Variants in SEPTIN9 observed in about 807,000 individuals in gnomAD.
SEPTIN9 encodes the protein septin-9.
SEPTIN9 carries 13 observed loss-of-function variants against 56.6 expected under a neutral mutation model. That is an observed-to-expected ratio of 0.23 (90% CI 0.15 to 0.37). SEPTIN9 has a LOEUF of 0.37. Among genes scored for constraint, SEPTIN9 ranks in the 10% least tolerant of loss-of-function variants. The pLI, the probability that SEPTIN9 is intolerant of heterozygous loss-of-function variation, is 1.00. For missense variants in SEPTIN9, 650 were observed against 823.1 expected (o/e 0.79, Z 2.57); for synonymous variants, 332 against 334.1 (o/e 0.99, Z 0.07).
At chr17:77,293,965 A>G (rs2031684529) in intron 1 of SEPTIN9, among the ~76,000 whole-genome samples, 1 of 152,044 alleles carries the variant, frequency 6.6e-6, no homozygotes, top group Non-Finnish European at 1.5e-5. Flanking sequence ...CTAGCAGGGC[A>G]TGGTGGCATA....
chr17:77,360,648 T>C (rs1246110160), intron 2 of SEPTIN9, among the ~76,000 whole-genome samples: 2 of 151,902 alleles, frequency 1.3e-5, no homozygotes, highest in African/African-American at 2.4e-5. Context: ...CACTGCAAGC[T>C]CCGCCTCCCT....
chr17:77,340,172 CCTCT>C (rs1469361501), intron 2 of SEPTIN9, among the ~76,000 whole-genome samples: 1 of 150,792 alleles, frequency 6.6e-6, no homozygotes, highest in Non-Finnish European at 1.5e-5. Flanking sequence ...ACAGAGTCTC[CCTCT>C]GTTGCCCAGG....
At chr17:77,414,278 A>C (rs750623815) in intron 3 of SEPTIN9, among the ~76,000 whole-genome samples, 1 of 151,728 alleles carries the variant, frequency 6.6e-6, no homozygotes, top group African/African-American at 2.4e-5. Context: ...GGGTTTCTCC[A>C]TGTTGAGGCT....
intron 2 of SEPTIN9, among the ~76,000 whole-genome samples, chr17:77,401,446 C>T (rs776258141): frequency 2.0e-5 from 3 of 152,120 alleles, no homozygotes; most frequent in Admixed American, 6.5e-5. Flanking sequence ...AAAACAGCCG[C>T]GACAAGAAGG....
At chr17:77,461,185 A>G (rs1259822698) in intron 3 of SEPTIN9, among the ~76,000 whole-genome samples, 2 of 152,054 alleles carry the variant, frequency 1.3e-5, no homozygotes, top group Non-Finnish European at 2.9e-5. Flanking sequence ...ACGTGCCTGT[A>G]ATCCCAGTTA....
intron 3 of SEPTIN9, among the ~76,000 whole-genome samples, chr17:77,424,376 C>T (rs2036821236): frequency 6.6e-6 from 1 of 152,244 alleles, no homozygotes; most frequent in East Asian, 1.9e-4. Flanking sequence ...CTGGTCGAGC[C>T]CCTTGGCTCA....
chr17:77,376,328 G>A, intron 2 of SEPTIN9: 15 of 985,866 alleles, frequency 1.5e-5, no homozygotes, highest in Non-Finnish European at 1.8e-5. Context: ...GGGAATGGGC[G>A]CAGGAGCAGC....
At chr17:77,297,910 G>C (rs965844524) in intron 1 of SEPTIN9, among the ~76,000 whole-genome samples, 3 of 152,222 alleles carry the variant, frequency 2.0e-5, no homozygotes, top group Admixed American at 6.5e-5. Flanking sequence ...GATGACAGCT[G>C]AGTTGAGATT....
intron 3 of SEPTIN9, chr17:77,454,390 A>G: frequency 1.0e-6 from 1 of 985,464 alleles, no homozygotes; most frequent in South Asian, 4.7e-5. Context: ...GGAGCTCAGC[A>G]GAGCCTTGGG....
chr17:77,492,747 GGGGACCCCCAGTTCCTGCTGAA>G lies in SEPTIN9; in HGVS notation c.1476+35_1476+56del. ...TGGATCCACTAGGATGTTGTTCCCA[GGGGACCCCCAGTTCCTGCTGAA>G]GGGTGGGTTGGGGGTTTGGAGGACC... On this transcript the variant is annotated intron_variant, in intron 9 of 11. Transcript: ENST00000427177. The surrounding 1 kb of genome is among the most constrained non-coding windows in gnomAD (Gnocchi z 5.4). The G allele has an allele frequency of 6.3e-7, 1 of 1,592,918 alleles. No homozygotes were observed. Among genetic ancestry groups the G allele is most frequent in the East Asian group, 2.2e-5 (1 of 44,762 alleles).
At position 77,308,218 on chromosome 17, in the gene SEPTIN9, G is replaced by T. The variant is rs1040727100; in HGVS notation, c.76+1021G>T. ...CTGGCTGCCATCATGGTGGCAGACAGGCAGGGACTGTGCCTTCATGAATTA... is the reference window on the plus strand; with the variant it reads ...CTGGCTGCCATCATGGTGGCAGACATGCAGGGACTGTGCCTTCATGAATTA... On this transcript the variant is annotated intron_variant, in intron 2 of 11. Transcript: ENST00000427177. 2.0e-5 allele frequency among the ~76,000 whole-genome samples: 3 copies of T among 152,256 alleles called. No individual in the cohort carries two copies. In the South Asian group the frequency reaches 6.2e-4, roughly 31 times the overall value.
rs564511493 is a variant in SEPTIN9 at position 77,388,274 on chromosome 17, G to A, written c.77-13785G>A. Reference sequence around the variant, plus strand: ...CTCAGTCACACCCTGGGCTGTTTGGGGCAGCCAGGCAGCCCGTCTTCTGGA... The same window carrying A: ...CTCAGTCACACCCTGGGCTGTTTGGAGCAGCCAGGCAGCCCGTCTTCTGGA... On this transcript the variant is annotated intron_variant, in intron 2 of 11. Coordinates refer to ENST00000427177, the MANE Select transcript of SEPTIN9 (RefSeq NM_001113491.2). 2.6e-5 allele frequency among the ~76,000 whole-genome samples: 4 copies of A among 152,216 alleles called. No homozygotes were observed. The South Asian group carries it at 8.3e-4, about 32-fold the overall frequency.
At chr17:77,462,612 C>T (rs1218690150) in intron 3 of SEPTIN9, among the ~76,000 whole-genome samples, 1 of 151,578 alleles carries the variant, frequency 6.6e-6, no homozygotes, top group Non-Finnish European at 1.5e-5. Context: ...ATTTGTTTTG[C>T]TTGTTTTTTA....
chr17:77,466,625 G>C, intron 3 of SEPTIN9: 1 of 980,972 alleles, frequency 1.0e-6, no homozygotes, highest in Non-Finnish European at 1.2e-6. Flanking sequence ...GAGGTGTGGA[G>C]GGTAGGCCAG....
chr17:77,323,793 C>G lies in SEPTIN9; in HGVS notation c.76+16596C>G, dbSNP rs2033030163. On this transcript the variant is annotated intron_variant, in intron 2 of 11. Transcript: ENST00000427177. This position sits in a 1 kb window ranked among gnomAD's most constrained non-coding sequence, Gnocchi z 6.8. The stretch of plus-strand genomic sequence containing the variant: ...CTGTCCGGTCTCAACCTCTCCAGCT[C>G]TGCTTTTCCATCTCCGAGGTGAGAG... The G allele has an allele frequency of 6.6e-6, 1 of 152,468 alleles. No homozygotes were observed. Among genetic ancestry groups the G allele is most frequent in the Admixed American group, 6.5e-5 (1 of 15,280 alleles). 9.4% of individuals were successfully genotyped at this position (152,468 alleles called of 1,614,324 possible).
rs2033293890 is a variant in SEPTIN9, at chr17:77,330,155, G to A, written c.76+22958G>A. Reference sequence around the variant, plus strand: ...TCGGGACAGACCCCTGTGATCGCTGGGTGTTCCTGATGCTCTGTCCCCTCT... The same window carrying A: ...TCGGGACAGACCCCTGTGATCGCTGAGTGTTCCTGATGCTCTGTCCCCTCT... On this transcript the variant is annotated intron_variant, in intron 2 of 11. Coordinates refer to ENST00000427177, the MANE Select transcript of SEPTIN9 (RefSeq NM_001113491.2). The surrounding 1 kb of genome is among the most constrained non-coding windows in gnomAD (Gnocchi z 4.4). Among the ~76,000 whole-genome samples, 1 of 152,192 alleles carries A rather than the reference G, an allele frequency of 6.6e-6. No homozygotes were observed. Among genetic ancestry groups the A allele is most frequent in the African/African-American group, 2.4e-5 (1 of 41,440 alleles).
intron 6 of SEPTIN9, 106 bp from the exon 7 acceptor site, chr17:77,488,621 C>T (rs2143355575): frequency 6.8e-7 from 1 of 1,476,606 alleles, no homozygotes; most frequent in Non-Finnish European, 9.3e-7. Flanking sequence ...CCAGGGCATG[C>T]ATTTCATTGG....
chr17:77,402,579 C>A lies in SEPTIN9; in HGVS notation c.597C>A (p.Pro199=), dbSNP rs1406412870. The change falls in exon 3 of 12, where the codon CCC becomes CCA. Residue 199 remains proline (P), a synonymous_variant. Transcript: ENST00000427177. The surrounding 1 kb of genome is among the most constrained non-coding windows in gnomAD (Gnocchi z 6.6). ...EIQMPKPAEA[P]TAPSPAQTLE... is the part of the protein sequence containing the mutation. ...AGATGCCCAAGCCTGCTGAGGCGCC[C>A]ACCGCCCCCAGCCCAGCCCAGACCT... 1 of 1,611,512 alleles carries A rather than the reference C, an allele frequency of 6.2e-7. No individual in the cohort carries two copies. The highest frequency in any genetic ancestry group is 1.3e-5 in the African/African-American group (1 of 74,866).
In SEPTIN9 at chr17:77,475,764, C is replaced by CG. The variant is rs775735878; in HGVS notation, c.722-6377dup. 2 of 1,613,058 alleles carry CG rather than the reference C, an allele frequency of 1.2e-6. No individual in the cohort carries two copies. Among genetic ancestry groups the CG allele is most frequent in the Non-Finnish European group, 1.7e-6 (2 of 1,179,884 alleles). ...GATGCCGGCAGCTTTCTCCTGGACA[C>CG]GGGCCTGGAAGGCTGACAGGGTGTG... is the stretch of plus-strand genomic sequence containing the variant. On this transcript the variant is annotated intron_variant, in intron 3 of 11. Coordinates refer to ENST00000427177, the MANE Select transcript of SEPTIN9 (RefSeq NM_001113491.2). The surrounding 1 kb of genome is among the most constrained non-coding windows in gnomAD (Gnocchi z 4.6).
Sources: gnomAD v4.1 joint callset for allele counts (sites outside exome capture counted in the v4.1 genomes callset) on GRCh38, gnomAD v4.1.1 for gene constraint, Gnocchi (gnomAD v3.1) non-coding constraint, MANE v1.5 for transcripts, NCBI Gene and HGNC (gene_info 2026-07-23, HGNC 2026-07-21) for gene names.